Variants in ERC2 observed in about 807,000 individuals in gnomAD.
ERC2 encodes ERC protein 2.
In ERC2, 42 loss-of-function variants were observed where a neutral mutation model predicts 114.8. The observed-to-expected ratio is 0.37, with a 90% CI of 0.29 to 0.47. ERC2 has a LOEUF of 0.47. ERC2 is among the 20% of genes least tolerant of loss of function. ERC2 has a pLI of 0.99. For missense variants in ERC2, 939 were observed against 1,150.7 expected (o/e 0.82, Z 2.66); for synonymous variants, 454 against 425.5 (o/e 1.07, Z -0.82).
At chr3:55,703,947 C>T (rs17055792) in intron 15 of ERC2, among the ~76,000 whole-genome samples, 8,583 of 152,190 alleles carry the variant, frequency 0.056, 812 homozygotes, top group African/African-American at 0.19. Flanking sequence ...CAATACTCTA[C>T]CACCTCCCTG....
chr3:55,528,899 G>A (rs529208926), intron 17 of ERC2, among the ~76,000 whole-genome samples: 1 of 152,278 alleles, frequency 6.6e-6, no homozygotes, highest in South Asian at 2.1e-4. Flanking sequence ...GAGGGATATG[G>A]GGATGGGGTT....
chr3:55,993,991 A>G (rs916370196), intron 10 of ERC2, among the ~76,000 whole-genome samples: 2 of 152,176 alleles, frequency 1.3e-5, no homozygotes, highest in African/African-American at 4.8e-5. Context: ...ACTACTCCAT[A>G]TACCTGCTTC....
chr3:56,420,558 T>G (rs1021174595), intron 2 of ERC2, among the ~76,000 whole-genome samples: 1 of 151,932 alleles, frequency 6.6e-6, no homozygotes, highest in African/African-American at 2.4e-5. Context: ...CATTTTCCCA[T>G]CCACTTTGGA....
chr3:55,607,704 C>T (rs1229548807), intron 17 of ERC2, among the ~76,000 whole-genome samples: 5 of 150,972 alleles, frequency 3.3e-5, no homozygotes, highest in African/African-American at 1.2e-4. Flanking sequence ...TGCAGCAATC[C>T]TTTCTGCACA....
intron 14 of ERC2, among the ~76,000 whole-genome samples, chr3:55,843,701 C>T (rs1003001945): frequency 2.6e-5 from 4 of 152,202 alleles, no homozygotes; most frequent in African/African-American, 9.6e-5. Flanking sequence ...AGCACAAGTT[C>T]TCCCATTCCT....
At chr3:55,914,624 T>A (rs971099937) in intron 13 of ERC2, among the ~76,000 whole-genome samples, 1 of 152,190 alleles carries the variant, frequency 6.6e-6, no homozygotes, top group Non-Finnish European at 1.5e-5. Flanking sequence ...ACTCCCCTGA[T>A]GCAAGTGACC....
intron 14 of ERC2, among the ~76,000 whole-genome samples, chr3:55,771,812 C>T (rs1053768988): frequency 2.0e-5 from 3 of 152,206 alleles, no homozygotes; most frequent in Admixed American, 2.0e-4. Flanking sequence ...GGCAGGCTCT[C>T]CACCTGTAAT....
intron 14 of ERC2, among the ~76,000 whole-genome samples, chr3:55,867,065 C>T (rs1249115679): frequency 1.3e-5 from 2 of 151,770 alleles, no homozygotes; most frequent in Non-Finnish European, 2.9e-5. Flanking sequence ...TGTTTTGTTG[C>T]TTTTTGGTGT....
intron 17 of ERC2, among the ~76,000 whole-genome samples, chr3:55,551,653 A>G (rs758052518): frequency 7.9e-5 from 12 of 152,230 alleles, no homozygotes; most frequent in Admixed American, 2.6e-4. Context: ...ATTCAAAGGC[A>G]GTCCACTGGC....
intron 12 of ERC2, among the ~76,000 whole-genome samples, chr3:55,953,340 G>C (rs922778681): frequency 1.3e-5 from 2 of 152,136 alleles, no homozygotes; most frequent in African/African-American, 4.8e-5. Context: ...TGGAAAGTTG[G>C]GTTTTGAATG....
At chr3:55,750,097 G>C (rs2066589886) in intron 14 of ERC2, among the ~76,000 whole-genome samples, 1 of 152,158 alleles carries the variant, frequency 6.6e-6, no homozygotes, top group Non-Finnish European at 1.5e-5. Context: ...GACAGAATAC[G>C]ATGCTACGTG....
At position 55,626,865 on chromosome 3, in the gene ERC2, T is replaced by C. The variant is rs75621312; in HGVS notation, c.*39+56929A>G. 6.7e-3 allele frequency among the ~76,000 whole-genome samples: 1,013 copies of C among 152,300 alleles called. 9 individuals are homozygous for C. The highest frequency in any genetic ancestry group is 0.011 in the Non-Finnish European group (723 of 68,032). On this transcript the variant is annotated intron_variant, in intron 17 of 17. Coordinates refer to ENST00000288221, the MANE Select transcript of ERC2 (RefSeq NM_015576.3). ...ACCCTGGACAAGTAACATTTCTGAG[T>C]CTCAGTTTCTAGCCTTTAAAATGGA...
At position 56,459,527 on chromosome 3, in the gene ERC2, C is replaced by CCA. The variant is rs58270143; in HGVS notation, c.-141+8719_-141+8720dup. Among the ~76,000 whole-genome samples, 118 of 150,730 alleles carry CCA rather than the reference C, an allele frequency of 7.8e-4. 1 individual carries two copies. The highest frequency in any genetic ancestry group is 1.6e-3 in the East Asian group (8 of 5,136). ...GGAAAAGAGAGCTAATGCTATCAGA[C>CCA]CACACACACACACACACACACACAC... On this transcript the variant is annotated intron_variant, in intron 1 of 17. Coordinates refer to ENST00000288221, the MANE Select transcript of ERC2 (RefSeq NM_015576.3).
chr3:56,024,302 G>A (rs75097363), intron 7 of ERC2, among the ~76,000 whole-genome samples: 10 of 152,284 alleles, frequency 6.6e-5, no homozygotes, highest in African/African-American at 2.4e-4. Context: ...ACTAGACATC[G>A]AGGCTTACAG....
chr3:55,616,116 A>G (rs1178581043), intron 17 of ERC2, among the ~76,000 whole-genome samples: 1 of 152,144 alleles, frequency 6.6e-6, no homozygotes, highest in Non-Finnish European at 1.5e-5. Flanking sequence ...GAACCACATT[A>G]CTCAGCTAGA....
At chr3:55,848,462 T>G (rs367591846) in intron 14 of ERC2, among the ~76,000 whole-genome samples, 2 of 152,204 alleles carry the variant, frequency 1.3e-5, no homozygotes, top group African/African-American at 4.8e-5. Flanking sequence ...CATCCTCGCA[T>G]TACACTTTTA....
chr3:56,118,908 TTACAGGCTC>T (rs1240444562), intron 6 of ERC2, among the ~76,000 whole-genome samples: 29 of 152,136 alleles, frequency 1.9e-4, no homozygotes, highest in Admixed American at 7.9e-4. Context: ...AGTGCTGGGA[TTACAGGCTC>T]GAGCCACTGT....
intron 7 of ERC2, among the ~76,000 whole-genome samples, chr3:56,027,513 TTATAGGTGTGTA>T (rs2074118304): frequency 6.6e-6 from 1 of 152,206 alleles, no homozygotes; most frequent in Non-Finnish European, 1.5e-5. Flanking sequence ...TTGGTAATTC[TTATAGGTGTGTA>T]GTGATATATC....
chr3:56,005,702 C>T (rs1286632621), intron 10 of ERC2, among the ~76,000 whole-genome samples: 1 of 152,054 alleles, frequency 6.6e-6, no homozygotes, highest in Non-Finnish European at 1.5e-5. Flanking sequence ...CTCGACTCAG[C>T]ACACTGTGAC....
Sources: allele counts gnomAD v4.1 joint callset (sites outside exome capture counted in the v4.1 genomes callset), GRCh38; gene constraint gnomAD v4.1.1; transcripts MANE v1.5; gene names NCBI Gene and HGNC (gene_info 2026-07-23, HGNC 2026-07-21).